ATG4C: variants seen among roughly 807,000 people sequenced by gnomAD.
ATG4C encodes the protein autophagy related 4C cysteine peptidase, also known as cysteine protease ATG4C.
Under a neutral mutation model 57.6 loss-of-function variants are expected in ATG4C, and 56 were observed. The ratio of observed to expected loss-of-function variants is 0.97; its 90% CI spans 0.78 to 1.21. The LOEUF (loss-of-function observed/expected upper bound fraction) is 1.21, where lower values mean the gene tolerates loss of function less well. ATG4C is among the 50% of genes most tolerant of loss of function. The pLI is 0.00. For missense variants in ATG4C, 595 were observed against 529.8 expected, an observed-to-expected ratio of 1.12 and a Z score of -1.21; for synonymous variants, 157 against 174.1, an observed-to-expected ratio of 0.90 and a Z score of 0.78.
chr1:62,847,141 C>T (rs891980514), intron 10 of ATG4C, among the ~76,000 whole-genome samples: 2 of 152,206 alleles, frequency 1.3e-5, no homozygotes, highest in African/African-American at 2.4e-5. Context: ...TGTGCCATTG[C>T]ACTCCAGCCT....
chr1:62,803,916 T>A, intron 2 of ATG4C, 54 bp downstream of exon 2: 1 of 1,127,454 alleles, frequency 8.9e-7, no homozygotes, highest in Non-Finnish European at 1.3e-6. Context: ...TTGACAATAT[T>A]TATCATTTCC....
intron 1 of ATG4C, among the ~76,000 whole-genome samples, chr1:62,786,004 C>T (rs1251841557): frequency 6.6e-6 from 1 of 152,130 alleles, no homozygotes; most frequent in Non-Finnish European, 1.5e-5. Context: ...ATCACCAAAA[C>T]ATTTGTTTGT....
intron 1 of ATG4C, among the ~76,000 whole-genome samples, chr1:62,791,722 C>A (rs1331384837): frequency 6.6e-6 from 1 of 152,152 alleles, no homozygotes; most frequent in East Asian, 1.9e-4. Flanking sequence ...GGCAGAACCC[C>A]AGTTACCCAG....
chr1:62,793,643 A>AAC (rs1328166605), intron 1 of ATG4C, among the ~76,000 whole-genome samples: 1 of 151,174 alleles, frequency 6.6e-6, no homozygotes, highest in East Asian at 1.9e-4. Context: ...ACAAAAAACC[A>AAC]ACACACACAC....
intron 10 of ATG4C, among the ~76,000 whole-genome samples, chr1:62,851,521 A>G (rs994650065): frequency 1.3e-5 from 2 of 152,224 alleles, no homozygotes. Context: ...GAAATGATAT[A>G]AAATGAAACT....
intron 10 of ATG4C, among the ~76,000 whole-genome samples, chr1:62,853,358 C>A (rs985272866): frequency 6.6e-6 from 1 of 152,180 alleles, no homozygotes; most frequent in Non-Finnish European, 1.5e-5. Flanking sequence ...CTAATAGCCA[C>A]CGTTCTCTGT....
At chr1:62,813,826 C>T (rs904344557) in intron 3 of ATG4C, among the ~76,000 whole-genome samples, 43 of 152,050 alleles carry the variant, frequency 2.8e-4, no homozygotes, top group African/African-American at 1.0e-3. Context: ...ATTTATGCAG[C>T]CAACAAATAT....
intron 1 of ATG4C, among the ~76,000 whole-genome samples, chr1:62,791,381 T>G (rs901816000): frequency 3.9e-5 from 6 of 152,228 alleles, no homozygotes; most frequent in African/African-American, 1.4e-4. Context: ...ACTAATATAA[T>G]GGGTCTTGGA....
In ATG4C at chr1:62,864,293, A is replaced by T. The variant is rs1013017402; in HGVS notation, c.*134A>T. 1 of 700,450 alleles carries T rather than the reference A, an allele frequency of 1.4e-6. No individual in the cohort carries two copies. The highest frequency in any genetic ancestry group is 2.2e-6 in the Non-Finnish European group (1 of 446,224). 43.4% of individuals were successfully genotyped at this position (700,450 alleles called of 1,614,324 possible). On this transcript the variant is annotated 3_prime_UTR_variant, in exon 11 of 11. Transcript: ENST00000317868. ...GTTCTTTAAAAAAGAACATTTGAAAATATAACAGTTAAAGATATTTTTCTA... is the reference window on the plus strand; with the variant it reads ...GTTCTTTAAAAAAGAACATTTGAAATTATAACAGTTAAAGATATTTTTCTA...
At chr1:62,794,726 C>G (rs746370554) in intron 1 of ATG4C, among the ~76,000 whole-genome samples, 11 of 152,106 alleles carry the variant, frequency 7.2e-5, no homozygotes, top group Non-Finnish European at 1.6e-4. Context: ...AAAGAATTTA[C>G]AAACTGACCA....
At chr1:62,847,197 G>A (rs1165750179) in intron 10 of ATG4C, among the ~76,000 whole-genome samples, 1 of 150,720 alleles carries the variant, frequency 6.6e-6, no homozygotes, top group Non-Finnish European at 1.5e-5. Flanking sequence ...GAACAAAAAA[G>A]CATAAGTCTT....
chr1:62,855,698 C>A (rs1341641441), intron 10 of ATG4C, among the ~76,000 whole-genome samples: 1 of 152,144 alleles, frequency 6.6e-6, no homozygotes, highest in Non-Finnish European at 1.5e-5. Flanking sequence ...CCAACCAAAC[C>A]TTCTGAGATA....
In ATG4C at chr1:62,802,143, A is replaced by G. The variant is rs144185850; in HGVS notation, c.-68-1576A>G. Among the ~76,000 whole-genome samples the G allele has an allele frequency of 1.2e-4, 19 of 152,022 alleles. No individual in the cohort carries two copies. In the East Asian group the frequency reaches 1.7e-3, roughly 14 times the overall value. On this transcript the variant is annotated intron_variant, in intron 1 of 10. Transcript: ENST00000317868. Reference sequence around the variant, plus strand: ...CACCATCTGTTTAGTTTCACACACCAAAGCCTGGGTATATCTTTGGCATAT... The same window carrying G: ...CACCATCTGTTTAGTTTCACACACCGAAGCCTGGGTATATCTTTGGCATAT...
intron 9 of ATG4C, among the ~76,000 whole-genome samples, chr1:62,835,922 T>C (rs1665985743): frequency 6.6e-6 from 1 of 152,106 alleles, no homozygotes; most frequent in African/African-American, 2.4e-5. Flanking sequence ...GCACTGATTC[T>C]TGTGTCCAAG....
chr1:62,808,702 C>T (rs1450164016), intron 3 of ATG4C, among the ~76,000 whole-genome samples: 2 of 151,984 alleles, frequency 1.3e-5, no homozygotes, highest in Non-Finnish European at 2.9e-5. Context: ...AGGAAATAGC[C>T]TGAGTAGAGG....
intron 1 of ATG4C, among the ~76,000 whole-genome samples, chr1:62,797,446 T>C (rs944230298): frequency 4.6e-5 from 7 of 152,216 alleles, no homozygotes; most frequent in Middle Eastern, 3.4e-3. Flanking sequence ...ATTTGAGAAA[T>C]AGTTATGTTA....
intron 1 of ATG4C, among the ~76,000 whole-genome samples, chr1:62,788,562 A>G (rs946176292): frequency 1.3e-5 from 2 of 152,146 alleles, no homozygotes; most frequent in Non-Finnish European, 2.9e-5. Context: ...ATTCTCTTAT[A>G]TAACTATAAT....
intron 10 of ATG4C, among the ~76,000 whole-genome samples, chr1:62,846,915 A>G (rs1167299532): frequency 6.6e-6 from 1 of 151,992 alleles, no homozygotes; most frequent in Non-Finnish European, 1.5e-5. Flanking sequence ...AGTGGCTCAC[A>G]CCTGTAACCC....
intron 3 of ATG4C, among the ~76,000 whole-genome samples, chr1:62,807,827 G>A (rs1345086929): frequency 6.6e-6 from 1 of 152,238 alleles, no homozygotes; most frequent in Non-Finnish European, 1.5e-5. Context: ...GGAGGGGATA[G>A]TGGGAACCAC....
Sources: gnomAD v4.1 joint callset for allele counts (sites outside exome capture counted in the v4.1 genomes callset) on GRCh38, gnomAD v4.1.1 for gene constraint, MANE v1.5 for transcripts, NCBI Gene and HGNC (gene_info 2026-07-23, HGNC 2026-07-21) for gene names.